Variants in HACE1 observed in about 807,000 individuals in gnomAD.
The protein encoded by HACE1 is E3 ubiquitin-protein ligase HACE1.
HACE1 carries 73 observed loss-of-function variants against 118.4 expected under a neutral mutation model. That is an observed-to-expected ratio of 0.62 (90% CI 0.51 to 0.75). The LOEUF (loss-of-function observed/expected upper bound fraction) is 0.75, where lower values mean the gene tolerates loss of function less well. Among genes scored for constraint, HACE1 ranks in the 30% least tolerant of loss-of-function variants. The pLI is 0.00. For synonymous variants in HACE1, 368 were observed against 374.8 expected (o/e 0.98, Z 0.21); for missense variants, 749 against 1,102.2 (o/e 0.68, Z 4.54).
intron 6 of HACE1, among the ~76,000 whole-genome samples, chr6:104,831,986 G>GAGAA (rs1562471327): frequency 2.7e-5 from 1 of 37,406 alleles, no homozygotes; most frequent in Non-Finnish European, 7.1e-5. Flanking sequence ...AAGAGAGGAA[G>GAGAA]GAAGGAAGGA....
chr6:104,850,546 G>A (rs1162834590), intron 3 of HACE1, among the ~76,000 whole-genome samples: 1 of 152,126 alleles, frequency 6.6e-6, no homozygotes, highest in Non-Finnish European at 1.5e-5. Context: ...CTCCACCTAT[G>A]TAAAAAATAT....
Position 104,818,001 on chromosome 6 carries a change from A to T in HACE1, c.535-6608T>A, listed in dbSNP as rs1468706896. On this transcript the variant is annotated intron_variant, in intron 6 of 23. Transcript: ENST00000262903. ...TGTTGCCTCTGGTGATCATGACTTA[A>T]CAAAGAGGAAGGGTGGTTTAAGGGA... 2.6e-5 allele frequency among the ~76,000 whole-genome samples: 4 copies of T among 152,188 alleles called. No homozygotes were observed. The South Asian group carries it at 8.3e-4, about 32-fold the overall frequency.
At chr6:104,791,920 G>A (rs1430768180) in intron 10 of HACE1, among the ~76,000 whole-genome samples, 1 of 152,056 alleles carries the variant, frequency 6.6e-6, no homozygotes, top group African/African-American at 2.4e-5. Context: ...CACTCCTTTA[G>A]AATAGTTGGT....
chr6:104,776,876 G>C (rs371920456), intron 16 of HACE1, 48 bp from the exon 17 acceptor site: 1 of 1,430,916 alleles, frequency 7.0e-7, no homozygotes, highest in Non-Finnish European at 9.8e-7. Context: ...ATGTTATATT[G>C]GGAAATTTTT....
At chr6:104,804,736 A>G (rs2114932725) in intron 7 of HACE1, among the ~76,000 whole-genome samples, 1 of 152,336 alleles carries the variant, frequency 6.6e-6, no homozygotes, top group Admixed American at 6.5e-5. Context: ...TAAATGTAAG[A>G]CCTAAAGCCA....
At position 104,771,914 on chromosome 6, in the gene HACE1, T is replaced by TA. The variant is rs747313886; in HGVS notation, c.2014+10dup. On this transcript the variant is annotated intron_variant, in intron 18 of 23. Transcript: ENST00000262903. ...AAATAAATGTCTGCAGAAATAATAA[T>TA]AGAGCCATACCAAGAATGTGCTTGT... 1.3e-6 allele frequency: 2 copies of TA among 1,554,894 alleles called. No individual in the cohort carries two copies. Among genetic ancestry groups the TA allele is most frequent in the Non-Finnish European group, 1.8e-6 (2 of 1,126,960 alleles).
intron 22 of HACE1, among the ~76,000 whole-genome samples, chr6:104,734,142 CAA>C (rs11370746): frequency 3.4e-5 from 3 of 87,154 alleles, no homozygotes; most frequent in South Asian, 4.4e-4. Flanking sequence ...GACTCTTCCT[CAA>C]AAAAAAAAAA....
In HACE1 at chr6:104,811,365, G is replaced by C; in HGVS notation, c.563C>G (p.Ala188Gly). ...TGATACATTTGGCCTGTTAATATCA[G>C]CACCACTGTCTAGCAAGCACTGCAC... ...TTVQCLLDSG[A>G]DINRPNVSGA... The change falls in exon 7 of 24, where the codon GCT becomes GGT. Residue 188 changes from alanine to glycine, a missense_variant. Coordinates refer to ENST00000262903, the MANE Select transcript of HACE1 (RefSeq NM_020771.4). 6.5e-7 allele frequency: 1 copy of C among 1,540,706 alleles called. No homozygotes were observed. Among genetic ancestry groups the C allele is most frequent in the African/African-American group, 1.4e-5 (1 of 73,048 alleles).
intron 5 of HACE1, among the ~76,000 whole-genome samples, chr6:104,838,883 T>A (rs1582722919): frequency 6.8e-5 from 3 of 44,414 alleles, no homozygotes; most frequent in African/African-American, 1.7e-4. Context: ...CTCAAACAAC[T>A]CCATAGTAAA....
intron 6 of HACE1, among the ~76,000 whole-genome samples, chr6:104,822,220 A>T (rs1366395310): frequency 2.0e-5 from 3 of 150,010 alleles, no homozygotes; most frequent in Non-Finnish European, 3.0e-5. Flanking sequence ...AAAAAAAAAA[A>T]AAATACAAAA....
chr6:104,774,853 G>A (rs1375235210), intron 17 of HACE1, among the ~76,000 whole-genome samples: 3 of 152,160 alleles, frequency 2.0e-5, no homozygotes, highest in African/African-American at 7.2e-5. Flanking sequence ...AATTTCATTA[G>A]AAAACAAGTT....
intron 1 of HACE1, among the ~76,000 whole-genome samples, chr6:104,857,174 T>C (rs1481653460): frequency 6.8e-6 from 1 of 147,126 alleles, no homozygotes; most frequent in African/African-American, 2.5e-5. Flanking sequence ...TATATATTTA[T>C]TTACATATAT....
chr6:104,825,408 C>G (rs576255537), intron 6 of HACE1, among the ~76,000 whole-genome samples: 3 of 152,284 alleles, frequency 2.0e-5, no homozygotes, highest in African/African-American at 4.8e-5. Flanking sequence ...ACTTCAGCCT[C>G]GGATTGGTTG....
chr6:104,773,015 T>G (rs780568397), intron 17 of HACE1, among the ~76,000 whole-genome samples: 1 of 152,078 alleles, frequency 6.6e-6, no homozygotes, highest in Non-Finnish European at 1.5e-5. Context: ...AATTTATATG[T>G]GTATTTCACC....
chr6:104,748,638 C>T (rs958941956), intron 20 of HACE1, among the ~76,000 whole-genome samples: 2 of 152,094 alleles, frequency 1.3e-5, no homozygotes, highest in African/African-American at 4.8e-5. Flanking sequence ...AGCAGCAGTA[C>T]TTGAAAGAGC....
At chr6:104,799,608 A>G (rs1770071945) in intron 7 of HACE1, among the ~76,000 whole-genome samples, 1 of 152,222 alleles carries the variant, frequency 6.6e-6, no homozygotes, top group South Asian at 2.1e-4. Context: ...GTTGCTCGAG[A>G]TGAACAGTTA....
chr6:104,784,388 AG>A, intron 13 of HACE1, 28 bp downstream of exon 13: 1 of 1,411,484 alleles, frequency 7.1e-7, no homozygotes, highest in Non-Finnish European at 1.0e-6. Flanking sequence ...AAAGGCTAGC[AG>A]GGTACTCCAC....
chr6:104,806,864 C>T (rs887622352), intron 7 of HACE1, among the ~76,000 whole-genome samples: 4 of 152,226 alleles, frequency 2.6e-5, no homozygotes, highest in East Asian at 1.9e-4. Context: ...GGCCCCCTAA[C>T]TTTGGACTCT....
intron 7 of HACE1, among the ~76,000 whole-genome samples, chr6:104,808,475 A>T (rs1050157198): frequency 1.3e-5 from 2 of 152,200 alleles, no homozygotes; most frequent in Non-Finnish European, 2.9e-5. Flanking sequence ...CTAATGTTGT[A>T]TAGCTCTGGT....
Sources: allele counts gnomAD v4.1 joint callset (sites outside exome capture counted in the v4.1 genomes callset), GRCh38; gene constraint gnomAD v4.1.1; transcripts MANE v1.5; gene names NCBI Gene and HGNC (gene_info 2026-07-23, HGNC 2026-07-21).